ELN: variants seen among roughly 807,000 people sequenced by gnomAD.
ELN encodes the protein tropoelastin.
In ELN, 65 loss-of-function variants were observed where a neutral mutation model predicts 105.8. The observed-to-expected ratio is 0.61, with a 90% CI of 0.50 to 0.75. The LOEUF is 0.75. Among genes scored for constraint, ELN ranks in the 30% least tolerant of loss-of-function variants. The probability of loss-of-function intolerance (pLI) is 0.00; values close to 1 mark genes in which losing one functional copy is unlikely to be tolerated. For missense variants in ELN, 882 were observed against 969.4 expected (o/e 0.91, Z 1.20); for synonymous variants, 368 against 389.2 (o/e 0.95, Z 0.64).
rs533304029 is a variant in ELN at position 74,059,959 on chromosome 7, C to T, written c.1488C>T (p.Gly496=). Residue 496 remains glycine (G), a synonymous_variant, in exon 23 of 33, where the codon GGC becomes GGT. Transcript: ENST00000252034. ...APGVGVAPGV[G]LAPGVGVAPG... is the part of the protein sequence containing the mutation. ...GTGTCGGTGTGGCTCCTGGAGTTGG[C>T]TTGGCTCCTGGAGTTGGCGTGGCTC... 2 of 1,611,468 alleles carry T rather than the reference C, an allele frequency of 1.2e-6. No homozygotes were observed. The highest frequency in any genetic ancestry group is 2.7e-5 in the African/African-American group (2 of 74,536).
At chr7:74,047,177 A>G (rs1308528069) in intron 12 of ELN, among the ~76,000 whole-genome samples, 3 of 152,174 alleles carry the variant, frequency 2.0e-5, no homozygotes, top group Non-Finnish European at 2.9e-5. Context: ...GTGGCAGGGA[A>G]GGGGTGTTGA....
In ELN at chr7:74,042,630, C is replaced by A; in HGVS notation, c.249C>A (p.Pro83=). 3 of 1,613,554 alleles carry A rather than the reference C, an allele frequency of 1.9e-6. No homozygotes were observed. Among genetic ancestry groups the A allele is most frequent in the Non-Finnish European group, 2.5e-6 (3 of 1,180,018 alleles). ...CCTCCGCAGGGCTCGGCGCCTTCCC[C>A]GCAGTTACCTTTCCGGGGGCTCTGG... ...AGLGAGLGAF[P]AVTFPGALVP... Residue 83 remains proline, a synonymous_variant, in exon 6 of 33, where the codon CCC becomes CCA. Coordinates refer to ENST00000252034, the MANE Select transcript of ELN (RefSeq NM_000501.4).
At chr7:74,056,498 G>A in intron 20 of ELN, 63 bp downstream of exon 20, 1 of 1,611,270 alleles carries the variant, frequency 6.2e-7, no homozygotes, top group Admixed American at 1.7e-5. Context: ...TGTCTGCTCG[G>A]CTCTGCAGGG....
At chr7:74,068,551 T>G in intron 32 of ELN, 106 bp from the exon 33 acceptor site, 2 of 1,434,922 alleles carry the variant, frequency 1.4e-6, no homozygotes, top group Non-Finnish European at 2.0e-6. Context: ...ACTTGGCTTC[T>G]CTTGGCTTCT....
chr7:74,043,070 T>C (rs1269242572), intron 7 of ELN, 36 bp downstream of exon 7: 4 of 1,614,014 alleles, frequency 2.5e-6, no homozygotes, highest in Non-Finnish European at 3.4e-6. Context: ...TGGGTCAAAG[T>C]TGCAGGCCTG....
At chr7:74,052,034 C>T in intron 17 of ELN, 51 bp downstream of exon 17, 1 of 1,604,434 alleles carries the variant, frequency 6.2e-7, no homozygotes, top group Non-Finnish European at 8.5e-7. Context: ...CTGCATAGAC[C>T]TCGGAGACCC....
At chr7:74,035,515 C>G (rs782708967) in intron 2 of ELN, 101 bp downstream of exon 2, 3 of 1,406,320 alleles carry the variant, frequency 2.1e-6, no homozygotes, top group Non-Finnish European at 3.0e-6. Flanking sequence ...AACATTGACA[C>G]GCCTACCAGA....
rs542209115 is a variant in ELN at position 74,043,172 on chromosome 7, A to G, written c.427+4A>G. On this transcript the variant is annotated splice_donor_region_variant and intron_variant, in intron 8 of 32. Coordinates refer to ENST00000252034, the MANE Select transcript of ELN (RefSeq NM_000501.4). The stretch of plus-strand genomic sequence containing the variant: ...GTGAAGCCTGGGAAAGTGCCGGGTC[A>G]GTGCGGAATCCCTGGGGCTGGAGGA... 1.4e-5 allele frequency: 22 copies of G among 1,590,490 alleles called. No individual in the cohort carries two copies. In the South Asian group the frequency reaches 2.5e-4, roughly 18 times the overall value.
intron 31 of ELN, 34 bp downstream of exon 31, chr7:74,066,031 G>C: frequency 6.2e-7 from 1 of 1,613,898 alleles, no homozygotes; most frequent in Non-Finnish European, 8.5e-7. Flanking sequence ...GTAGTCCTCA[G>C]CTCTGTCCCG....
chr7:74,030,976 G>GT (rs5884929), intron 1 of ELN, among the ~76,000 whole-genome samples: 16,719 of 152,246 alleles, frequency 0.11, 1,254 homozygotes, highest in East Asian at 0.21. Flanking sequence ...AGGACAGCTT[G>GT]TTTTTGAAAA....
At chr7:74,040,356 G>A (rs940817856) in intron 4 of ELN, among the ~76,000 whole-genome samples, 7 of 152,242 alleles carry the variant, frequency 4.6e-5, no homozygotes, top group Non-Finnish European at 8.8e-5. Context: ...CCCGCCCGGA[G>A]GCAAAGATGC....
chr7:74,052,783 GAA>G (rs1794359064), intron 17 of ELN: 2 of 225,302 alleles, frequency 8.9e-6, no homozygotes, highest in Admixed American at 5.8e-5. Context: ...GAGAGAAAGA[GAA>G]AGAAAGAAAG....
chr7:74,046,425 C>T (rs1792541326), intron 11 of ELN, among the ~76,000 whole-genome samples: 1 of 152,258 alleles, frequency 6.6e-6, no homozygotes. Context: ...TCAAAGGAGT[C>T]CAGAAAACCC....
At position 74,046,023 on chromosome 7, in the gene ELN, G is replaced by A. The variant is rs78845269; in HGVS notation, c.542-165G>A. 4,667 of 929,662 alleles carry A rather than the reference G, an allele frequency of 5.0e-3. 16 individuals carry two copies. Among genetic ancestry groups the A allele is most frequent in the Non-Finnish European group, 7.0e-3 (4,221 of 606,604 alleles). The allele number at this position is 929,662 out of a possible 1,614,324, so 57.6% of individuals were successfully genotyped here. ...CCACCCCAGCCTGGGCGACAAGAGC[G>A]AAACTCCATCTCCGAAAAAAGAAAC... On this transcript the variant is annotated intron_variant, in intron 10 of 32. Transcript: ENST00000252034.
intron 15 of ELN, among the ~76,000 whole-genome samples, chr7:74,049,818 A>G (rs528878264): frequency 6.7e-6 from 1 of 150,138 alleles, no homozygotes; most frequent in South Asian, 2.1e-4. Flanking sequence ...CCATTCCTCC[A>G]TGCATCCATC....
intron 15 of ELN, among the ~76,000 whole-genome samples, chr7:74,049,634 A>G (rs563995012): frequency 6.5e-5 from 9 of 139,272 alleles, no homozygotes; most frequent in African/African-American, 2.4e-4. Flanking sequence ...TCCATCCACC[A>G]TCTATTCCTC....
chr7:74,043,701 T>G (rs1791791756), intron 8 of ELN, 178 bp from the exon 9 acceptor site: 2 of 753,194 alleles, frequency 2.7e-6, no homozygotes, highest in East Asian at 2.7e-5. Context: ...AGTTTGCAGA[T>G]GACTTCCGAA....
At chr7:74,048,271 G>A in intron 14 of ELN, 70 bp downstream of exon 14, 1 of 1,606,122 alleles carries the variant, frequency 6.2e-7, no homozygotes, top group Non-Finnish European at 8.5e-7. Context: ...CCCTGGGGTG[G>A]GTGAGGTTCC....
rs1554665826 is a variant in ELN at position 74,036,561 on chromosome 7, G to C, written c.140G>C (p.Gly47Ala). 8 of 1,614,108 alleles carry C rather than the reference G, an allele frequency of 5.0e-6. No individual in the cohort carries two copies. The highest frequency in any genetic ancestry group is 6.8e-6 in the Non-Finnish European group (8 of 1,180,036). ...TCTTTCTCTCCCCCCACAGGGGCTG[G>C]TCTCGGAGCCCTTGGAGGAGGAGGT... ...VPGGVFYPGA[G>A]LGALGGGALG... is the part of the protein sequence containing the mutation. Residue 47 changes from glycine (G) to alanine (A), a missense_variant, in exon 3 of 33, where the codon GGT becomes GCT. Coordinates refer to ENST00000252034, the MANE Select transcript of ELN (RefSeq NM_000501.4).
Sources: allele counts gnomAD v4.1 joint callset (sites outside exome capture counted in the v4.1 genomes callset), GRCh38; gene constraint gnomAD v4.1.1; transcripts MANE v1.5; gene names NCBI Gene and HGNC (gene_info 2026-07-23, HGNC 2026-07-21).